The following RHPN2 variants were observed in gnomAD, a reference collection of about 807,000 sequenced individuals.
The protein encoded by RHPN2 is rhophilin Rho GTPase binding protein 2.
RHPN2 carries 40 observed loss-of-function variants against 79.0 expected under a neutral mutation model. That is an observed-to-expected ratio of 0.51 (90% confidence interval 0.39 to 0.66). The LOEUF (loss-of-function observed/expected upper bound fraction) is 0.66, where lower values mean the gene tolerates loss of function less well. Ranked by LOEUF, RHPN2 falls within the 30% of genes least tolerant of loss-of-function variation. RHPN2 has a pLI of 0.00. For synonymous variants in RHPN2, 285 were observed against 363.5 expected, an observed-to-expected ratio of 0.78 and a Z score of 2.46; for missense variants, 686 against 883.5, an observed-to-expected ratio of 0.78 and a Z score of 2.83.
At chr19:33,019,998 G>A (rs1028087913) in intron 4 of RHPN2, among the ~76,000 whole-genome samples, 1 of 152,066 alleles carries the variant, frequency 6.6e-6, no homozygotes, top group Non-Finnish European at 1.5e-5. Flanking sequence ...GGCACAGGAC[G>A]GTCTCCCAGC....
intron 12 of RHPN2, among the ~76,000 whole-genome samples, chr19:32,992,831 A>G (rs931128126): frequency 2.0e-5 from 3 of 148,312 alleles, no homozygotes; most frequent in African/African-American, 7.4e-5. Flanking sequence ...AAAAAAAAAA[A>G]GGAAAAAAAT....
At chr19:33,027,617 T>C (rs1174694336) in intron 2 of RHPN2, among the ~76,000 whole-genome samples, 2 of 152,106 alleles carry the variant, frequency 1.3e-5, no homozygotes. Context: ...TCTGTAAGAC[T>C]AGTATTAGCA....
At chr19:33,052,592 A>G (rs1304010343) in intron 1 of RHPN2, among the ~76,000 whole-genome samples, 1 of 152,264 alleles carries the variant, frequency 6.6e-6, no homozygotes, top group Non-Finnish European at 1.5e-5. Flanking sequence ...CAGAGCAATC[A>G]ATGAGAAAGC....
intron 4 of RHPN2, among the ~76,000 whole-genome samples, chr19:33,014,131 T>G (rs1971859888): frequency 7.1e-6 from 1 of 140,620 alleles, no homozygotes. Context: ...GCAAGAAAGG[T>G]GATCACATAG....
chr19:33,025,437 G>A (rs1449132869), intron 3 of RHPN2, among the ~76,000 whole-genome samples: 1 of 151,602 alleles, frequency 6.6e-6, no homozygotes. Context: ...AGCTGAGATC[G>A]CTCCACTGCA....
intron 3 of RHPN2, among the ~76,000 whole-genome samples, chr19:33,023,391 G>A (rs574114119): frequency 1.4e-5 from 2 of 143,242 alleles, no homozygotes; most frequent in East Asian, 4.2e-4. Flanking sequence ...CCAAGATCAC[G>A]CCACTGCACT....
intron 13 of RHPN2, among the ~76,000 whole-genome samples, chr19:32,991,035 A>G (rs895840528): frequency 1.3e-5 from 2 of 151,402 alleles, no homozygotes; most frequent in Non-Finnish European, 2.9e-5. Context: ...AAAAAAGCCA[A>G]AATTGGCCAG....
chr19:32,997,877 C>T (rs1467454385), intron 10 of RHPN2, among the ~76,000 whole-genome samples: 1 of 152,210 alleles, frequency 6.6e-6, no homozygotes, highest in East Asian at 1.9e-4. Flanking sequence ...GGGGCAGGGG[C>T]ACGTGCAGGT....
At position 32,980,365 on chromosome 19, in the gene RHPN2, T is replaced by C. The variant is rs187791582; in HGVS notation, c.1801-109A>G. 3.2e-4 allele frequency: 419 copies of C among 1,321,912 alleles called. 5 individuals carry two copies. In the African/African-American group the frequency reaches 5.1e-3, roughly 16 times the overall value. 81.9% of individuals were successfully genotyped at this position (1,321,912 alleles called of 1,614,324 possible). A position where few individuals can be genotyped will look rare whatever the true frequency, so the allele number is the denominator to read the frequency against. On this transcript the variant is annotated intron_variant, in intron 14 of 14. Transcript: ENST00000254260. ...GCTCACACCTGTAATCCCAACAGTT[T>C]GGGAGGCCGAGGAAGGCGGATCACT...
At chr19:33,023,822 C>T (rs1055393645) in intron 3 of RHPN2, among the ~76,000 whole-genome samples, 2 of 151,624 alleles carry the variant, frequency 1.3e-5, no homozygotes, top group African/African-American at 4.8e-5. Context: ...AACAGAAGAG[C>T]GCAGGACCCA....
At chr19:33,052,881 A>G (rs571759988) in intron 1 of RHPN2, among the ~76,000 whole-genome samples, 12 of 152,264 alleles carry the variant, frequency 7.9e-5, no homozygotes, top group African/African-American at 2.4e-4. Context: ...CACAGCCATA[A>G]TCTTTAGTTA....
intron 1 of RHPN2, among the ~76,000 whole-genome samples, chr19:33,057,298 A>G (rs908860203): frequency 3.3e-5 from 5 of 150,434 alleles, no homozygotes; most frequent in African/African-American, 9.8e-5. Context: ...AGCTATGATC[A>G]TGCCACTGCA....
At position 32,991,908 on chromosome 19, in the gene RHPN2, G is replaced by A. The variant is rs1971662983; in HGVS notation, c.1559C>T (p.Thr520Ile). Residue 520 changes from threonine (T) to isoleucine (I), a missense_variant, in exon 13 of 15, where the codon ACT becomes ATT. By Grantham distance (89) the Thr-to-Ile change is moderately conservative. Transcript: ENST00000254260. ...GAACCCCAAGTCCCCTTCTTCTGCAGTGAAGCGGATGCTTCGAGGAGGCGT... is the reference window on the plus strand; with the variant it reads ...GAACCCCAAGTCCCCTTCTTCTGCAATGAAGCGGATGCTTCGAGGAGGCGT... ...RWTPPRSIRF[T>I]AEEGDLGFTL... 2 of 1,614,008 alleles carry A rather than the reference G, an allele frequency of 1.2e-6. No individual in the cohort carries two copies.
chr19:32,995,911 G>A (rs1971696392), intron 11 of RHPN2, 115 bp downstream of exon 11: 1 of 970,990 alleles, frequency 1.0e-6, no homozygotes, highest in South Asian at 1.4e-5. Context: ...CCTACCCTGT[G>A]CAGCTCTCCT....
chr19:33,038,751 G>A (rs1972077725), intron 2 of RHPN2, among the ~76,000 whole-genome samples: 1 of 151,964 alleles, frequency 6.6e-6, no homozygotes, highest in Non-Finnish European at 1.5e-5. Flanking sequence ...TCGAACTCCT[G>A]GGCTCAGGGG....
chr19:32,993,870 G>C lies in RHPN2; in HGVS notation c.1497+107C>G. Reference sequence around the variant, plus strand: ...TATTTCTGCTGTCATAAGCCCCCCAGTTTGAGGCATTTTGTTATAGCAGCC... The same window carrying C: ...TATTTCTGCTGTCATAAGCCCCCCACTTTGAGGCATTTTGTTATAGCAGCC... On this transcript the variant is annotated intron_variant, in intron 12 of 14. Transcript: ENST00000254260. 5 of 847,546 alleles carry C rather than the reference G, an allele frequency of 5.9e-6. No individual in the cohort carries two copies. In the South Asian group the frequency reaches 6.7e-5, roughly 11 times the overall value. 52.5% of individuals were successfully genotyped at this position (847,546 alleles called of 1,614,324 possible). A position where few individuals can be genotyped will look rare whatever the true frequency, so the allele number is the denominator to read the frequency against.
chr19:33,013,118 C>T (rs1381819020), intron 4 of RHPN2, among the ~76,000 whole-genome samples: 1 of 151,654 alleles, frequency 6.6e-6, no homozygotes, highest in Non-Finnish European at 1.5e-5. Context: ...TCAGGTGATC[C>T]CCCCACCTCG....
At chr19:33,047,528 C>T (rs990602819) in intron 1 of RHPN2, among the ~76,000 whole-genome samples, 3 of 152,136 alleles carry the variant, frequency 2.0e-5, no homozygotes, top group African/African-American at 7.2e-5. Flanking sequence ...CTAGGTCCTG[C>T]CCACTGCGGT....
At chr19:33,007,026 G>A (rs1231166276) in intron 7 of RHPN2, among the ~76,000 whole-genome samples, 1 of 143,464 alleles carries the variant, frequency 7.0e-6, no homozygotes, top group Non-Finnish European at 1.6e-5. Context: ...TGGGTGACAA[G>A]AGCAAGACTC....
Sources: gnomAD v4.1 joint callset for allele counts (sites outside exome capture counted in the v4.1 genomes callset) on GRCh38, gnomAD v4.1.1 for gene constraint, MANE v1.5 for transcripts, NCBI Gene and HGNC (gene_info 2026-07-23, HGNC 2026-07-21) for gene names.